The following INPP4A variants were observed in gnomAD, a reference collection of about 807,000 sequenced individuals.
INPP4A encodes inositol polyphosphate-4-phosphatase, type I, 107kD.
A neutral mutation model predicts 119.8 loss-of-function variants in INPP4A; 33 were observed. The observed-to-expected ratio is 0.28, with a 90% confidence interval of 0.21 to 0.37. The LOEUF (loss-of-function observed/expected upper bound fraction) is 0.37, where lower values mean the gene tolerates loss of function less well. Among genes scored for constraint, INPP4A ranks in the 10% least tolerant of loss-of-function variants. The pLI is 1.00. For synonymous variants in INPP4A, 496 were observed against 500.7 expected, an observed-to-expected ratio of 0.99 and a Z score of 0.12; for missense variants, 956 against 1,289.9, an observed-to-expected ratio of 0.74 and a Z score of 3.97.
At chr2:98,476,944 T>C (rs1354296848) in intron 1 of INPP4A, among the ~76,000 whole-genome samples, 1 of 152,226 alleles carries the variant, frequency 6.6e-6, no homozygotes, top group African/African-American at 2.4e-5. Flanking sequence ...ATGGCCTGAG[T>C]GCCTCCATCC....
intron 1 of INPP4A, among the ~76,000 whole-genome samples, chr2:98,489,319 G>A (rs1249647508): frequency 6.6e-6 from 1 of 152,136 alleles, no homozygotes; most frequent in Non-Finnish European, 1.5e-5. Context: ...GGCCTTAGGA[G>A]TGTCATTAGG....
At chr2:98,565,882 T>G in intron 20 of INPP4A, 116 bp downstream of exon 20, 1 of 1,518,240 alleles carries the variant, frequency 6.6e-7, no homozygotes, top group Non-Finnish European at 9.0e-7. Context: ...ATGCTCTGAT[T>G]ACAGCCCCCT....
chr2:98,554,762 G>C lies in INPP4A; in HGVS notation c.1566+273G>C, dbSNP rs1159925060. Among the ~76,000 whole-genome samples, 1 of 152,202 alleles carries C rather than the reference G, an allele frequency of 6.6e-6. No individual in the cohort carries two copies. The highest frequency in any genetic ancestry group is 1.9e-4 in the East Asian group (1 of 5,190). ...GAAGACAAGTGGGTTTTCCTCCCGT[G>C]TTGGAGGTCTCTCCTTCCCCTGCCT... is the stretch of plus-strand genomic sequence containing the variant. On this transcript the variant is annotated intron_variant, in intron 15 of 24. Transcript: ENST00000409851. This position sits in a 1 kb window ranked among gnomAD's most constrained non-coding sequence, Gnocchi z 4.7.
chr2:98,561,846 C>T (rs963636406), intron 17 of INPP4A, among the ~76,000 whole-genome samples: 1 of 152,204 alleles, frequency 6.6e-6, no homozygotes, highest in African/African-American at 2.4e-5. Flanking sequence ...TTCCCCAAAC[C>T]GTTTGGCGAG....
At chr2:98,471,884 G>C (rs564694007) in intron 1 of INPP4A, among the ~76,000 whole-genome samples, 26 of 152,292 alleles carry the variant, frequency 1.7e-4, no homozygotes, top group African/African-American at 6.3e-4. Flanking sequence ...TGTGTGGTCT[G>C]GGGTGAGGAC....
intron 1 of INPP4A, 75 bp from the exon 2 acceptor site, chr2:98,518,889 C>T (rs1338529613): frequency 1.3e-5 from 2 of 152,238 alleles, no homozygotes; most frequent in African/African-American, 4.8e-5. Context: ...TTGGCCTCCA[C>T]GTTTCTAGGC....
intron 24 of INPP4A, among the ~76,000 whole-genome samples, chr2:98,584,411 C>G (rs1479539279): frequency 2.0e-5 from 3 of 152,238 alleles, no homozygotes; most frequent in African/African-American, 7.2e-5. Flanking sequence ...CAGAGGAAGG[C>G]CCTCTGACTG....
chr2:98,490,013 T>C (rs945685533), intron 1 of INPP4A, among the ~76,000 whole-genome samples: 5 of 151,840 alleles, frequency 3.3e-5, no homozygotes, highest in African/African-American at 1.2e-4. Flanking sequence ...GCAGAACTCC[T>C]TGTAACCTCT....
chr2:98,564,391 G>T (rs573646081), intron 18 of INPP4A, among the ~76,000 whole-genome samples: 1 of 152,216 alleles, frequency 6.6e-6, no homozygotes, highest in Admixed American at 6.5e-5. Flanking sequence ...CCAGGTATAG[G>T]TCAGGTCAGA....
At chr2:98,558,080 T>G (rs1694816619) in intron 16 of INPP4A, among the ~76,000 whole-genome samples, 1 of 152,212 alleles carries the variant, frequency 6.6e-6, no homozygotes, top group Non-Finnish European at 1.5e-5. Flanking sequence ...TCACCTATTC[T>G]CAACTCCATG....
chr2:98,594,032 G>A lies in INPP4A; in HGVS notation c.*6424G>A, dbSNP rs113690694. 1 of 152,230 alleles carries A rather than the reference G, an allele frequency of 6.6e-6. No individual in the cohort carries two copies. The highest frequency in any genetic ancestry group is 2.4e-5 in the African/African-American group (1 of 41,458). 9.4% of individuals were successfully genotyped at this position (152,230 alleles called of 1,614,324 possible). On this transcript the variant is annotated 3_prime_UTR_variant, in exon 25 of 25. Coordinates refer to ENST00000409851, the MANE Select transcript of INPP4A (RefSeq NM_001134225.2). ...AGCAAGTGTAATGCCCGCTGTGAAG[G>A]AGCTAAAGTTTGTTGAATAAACACA...
At chr2:98,512,282 T>C (rs1156856090) in intron 1 of INPP4A, among the ~76,000 whole-genome samples, 1 of 152,110 alleles carries the variant, frequency 6.6e-6, no homozygotes, top group Non-Finnish European at 1.5e-5. Flanking sequence ...CTTTCACCTA[T>C]GGGGGAGGAG....
chr2:98,534,729 C>T (rs1264835290), intron 5 of INPP4A, among the ~76,000 whole-genome samples: 2 of 152,184 alleles, frequency 1.3e-5, no homozygotes, highest in African/African-American at 4.8e-5. Context: ...CCAGTGTAGG[C>T]TTCTGTGCAG....
chr2:98,516,981 G>A (rs1363905656), intron 1 of INPP4A, among the ~76,000 whole-genome samples: 1 of 151,920 alleles, frequency 6.6e-6, no homozygotes, highest in Non-Finnish European at 1.5e-5. Context: ...TATACACTTT[G>A]TATTGGGGTA....
chr2:98,585,925 T>C (rs1368372339), intron 24 of INPP4A, among the ~76,000 whole-genome samples: 1 of 152,242 alleles, frequency 6.6e-6, no homozygotes, highest in Non-Finnish European at 1.5e-5. Context: ...GTTTGTACAT[T>C]TCTATATAAA....
At chr2:98,555,434 G>A (rs1694278248) in intron 15 of INPP4A, 119 bp from the exon 16 acceptor site, 1 of 1,055,008 alleles carries the variant, frequency 9.5e-7, no homozygotes, top group Non-Finnish European at 1.4e-6. Flanking sequence ...TAAACTTTGA[G>A]GTATTTTAAC....
intron 7 of INPP4A, among the ~76,000 whole-genome samples, chr2:98,537,167 A>G (rs1690447425): frequency 6.6e-6 from 1 of 152,218 alleles, no homozygotes; most frequent in African/African-American, 2.4e-5. Context: ...GGAAATCACA[A>G]AGGAAATGGT....
intron 13 of INPP4A, 154 bp from the exon 14 acceptor site, chr2:98,552,632 T>C (rs780303502): frequency 5.3e-6 from 4 of 753,176 alleles, no homozygotes; most frequent in South Asian, 2.8e-5. Flanking sequence ...TCCTAAGATA[T>C]ACTTTGCTCA....
chr2:98,577,084 G>A lies in INPP4A; in HGVS notation c.2727G>A (p.Leu909=), dbSNP rs778107020. The change falls in exon 24 of 25, where the codon CTG becomes CTA. Residue 909 remains leucine (L), a synonymous_variant. Transcript: ENST00000409851. ...MSVTLEQCLI[L]QHEHGMAPQV... ...TGACACTGGAGCAGTGCCTGATCCT[G>A]CAACACGAGCATGGCATGGCCCCGC... 1.2e-6 allele frequency: 2 copies of A among 1,613,878 alleles called. No homozygotes were observed. The highest frequency in any genetic ancestry group is 1.7e-6 in the Non-Finnish European group (2 of 1,179,782).
Sources: allele counts gnomAD v4.1 joint callset (sites outside exome capture counted in the v4.1 genomes callset), GRCh38; gene constraint gnomAD v4.1.1; non-coding constraint Gnocchi (gnomAD v3.1); transcripts MANE v1.5; gene names NCBI Gene and HGNC (gene_info 2026-07-23, HGNC 2026-07-21).